CHEK2: variants seen among roughly 807,000 people sequenced by gnomAD.
CHEK2 encodes the protein checkpoint kinase 2.
Under a neutral mutation model 69.1 loss-of-function variants are expected in CHEK2, and 71 were observed. The observed-to-expected ratio is 1.03, with a 90% CI of 0.85 to 1.25. CHEK2 has a LOEUF of 1.25. Ranked by LOEUF, CHEK2 falls within the 50% of genes most tolerant of loss-of-function variation. CHEK2 has a pLI of 0.00. For missense variants in CHEK2, 664 were observed against 649.6 expected, an observed-to-expected ratio of 1.02 and a Z score of -0.24; for synonymous variants, 189 against 226.9, an observed-to-expected ratio of 0.83 and a Z score of 1.50.
chr22:28,718,226 A>G (rs1258349096), intron 5 of CHEK2, among the ~76,000 whole-genome samples: 1 of 152,204 alleles, frequency 6.6e-6, no homozygotes, highest in East Asian at 1.9e-4. Flanking sequence ...AACCACAATG[A>G]CATCACCTGA....
intron 8 of CHEK2, 62 bp downstream of exon 8, chr22:28,703,443 C>G (rs1172897357): frequency 1.4e-5 from 13 of 904,634 alleles, no homozygotes; most frequent in Non-Finnish European, 2.1e-5. Flanking sequence ...ACATTAGATT[C>G]TTTGGTGGCT....
At chr22:28,711,590 AT>A (rs548827958) in intron 6 of CHEK2, among the ~76,000 whole-genome samples, 118 of 151,736 alleles carry the variant, frequency 7.8e-4, no homozygotes, top group Middle Eastern at 3.4e-3. Context: ...TTATGGCTGA[AT>A]TTTTTTCTCT....
chr22:28,696,156 C>A (rs1470174489), intron 10 of CHEK2, among the ~76,000 whole-genome samples: 1 of 152,208 alleles, frequency 6.6e-6, no homozygotes, highest in African/African-American at 2.4e-5. Context: ...ATCACAGACA[C>A]TTCAGGATTC....
intron 7 of CHEK2, among the ~76,000 whole-genome samples, chr22:28,704,321 T>C (rs2053024354): frequency 6.6e-6 from 1 of 151,816 alleles, no homozygotes; most frequent in African/African-American, 2.4e-5. Context: ...CTTTTTTTTT[T>C]ATTTTGAGAC....
chr22:28,717,977 A>C (rs927503505), intron 5 of CHEK2, among the ~76,000 whole-genome samples: 14 of 152,118 alleles, frequency 9.2e-5, no homozygotes, highest in African/African-American at 3.4e-4. Context: ...GCTACTCAGG[A>C]GGCTGAGGCA....
chr22:28,721,400 C>T (rs2053777423), intron 4 of CHEK2: 1 of 262,172 alleles, frequency 3.8e-6, no homozygotes, highest in Non-Finnish European at 8.2e-6. Context: ...AATTCTCCTG[C>T]CTCAGACCCC....
intron 5 of CHEK2, among the ~76,000 whole-genome samples, chr22:28,718,291 G>T (rs775837197): frequency 2.0e-5 from 3 of 152,140 alleles, no homozygotes; most frequent in Non-Finnish European, 4.4e-5. Flanking sequence ...TGTTGGAGAG[G>T]ATGTGAAGAA....
chr22:28,705,689 G>A (rs2053096414), intron 7 of CHEK2, among the ~76,000 whole-genome samples: 1 of 152,068 alleles, frequency 6.6e-6, no homozygotes, highest in South Asian at 2.1e-4. Context: ...ACTTTAGGAG[G>A]CCAAGGCAAG....
intron 2 of CHEK2, 104 bp downstream of exon 2, chr22:28,734,299 C>A: frequency 9.1e-7 from 1 of 1,103,782 alleles, no homozygotes; most frequent in Non-Finnish European, 1.3e-6. Context: ...GTTCAACGTG[C>A]CAAAAACCTG....
At chr22:28,690,843 G>C (rs2052334597) in intron 13 of CHEK2, among the ~76,000 whole-genome samples, 1 of 142,956 alleles carries the variant, frequency 7.0e-6, no homozygotes, top group South Asian at 2.4e-4. Flanking sequence ...GGGGACGAAA[G>C]AAGGGAGGGG....
chr22:28,703,995 C>T (rs2053003071), intron 7 of CHEK2, among the ~76,000 whole-genome samples: 1 of 152,134 alleles, frequency 6.6e-6, no homozygotes, highest in Non-Finnish European at 1.5e-5. Context: ...CTCTGGGCAA[C>T]TGGAACCTCC....
chr22:28,702,354 T>C (rs1322494007), intron 8 of CHEK2, among the ~76,000 whole-genome samples: 1 of 151,490 alleles, frequency 6.6e-6, no homozygotes, highest in African/African-American at 2.4e-5. Context: ...TTCTCCTGCC[T>C]CAGCCTCCCG....
intron 9 of CHEK2, among the ~76,000 whole-genome samples, chr22:28,699,362 C>CTTTT (rs67508991): frequency 6.9e-4 from 54 of 78,032 alleles, no homozygotes; most frequent in African/African-American, 8.3e-4. Context: ...AGAGCTTTTT[C>CTTTT]TTTTTTTTTT....
At chr22:28,688,093 G>A in intron 14 of CHEK2, 107 bp from the exon 15 acceptor site, 3 of 900,012 alleles carry the variant, frequency 3.3e-6, no homozygotes, top group Non-Finnish European at 5.2e-6. Context: ...CATTTGATGT[G>A]AAATTCTAGA....
In CHEK2 at chr22:28,725,131, TA is replaced by T; in HGVS notation, c.445-8del. On this transcript the variant is annotated splice_polypyrimidine_tract_variant and splice_region_variant and intron_variant, in intron 3 of 14. Transcript: ENST00000404276. ...AGTTTTTAGGACCCACTTCCTAAAA[TA>T]GAGAACATTTTGTTTCAGACTTTGA... 6.2e-7 allele frequency: 1 copy of T among 1,614,118 alleles called. No individual in the cohort carries two copies.
In CHEK2 at chr22:28,694,375, G is replaced by A. The variant is rs5762747; in HGVS notation, c.1376-258C>T. On this transcript the variant is annotated intron_variant, in intron 12 of 14. Transcript: ENST00000404276. ...CTCTTCACTGCCTGTTCCCTCTCTTGTTGCTAGACTCAAGGTCGGACTAAT... is the reference window on the plus strand; with the variant it reads ...CTCTTCACTGCCTGTTCCCTCTCTTATTGCTAGACTCAAGGTCGGACTAAT... Among the ~76,000 whole-genome samples, 61,464 of 151,916 alleles carry A rather than the reference G, an allele frequency of 0.4. 14,275 individuals are homozygous for A. The highest frequency in any genetic ancestry group is 0.62 in the East Asian group (3,211 of 5,158).
intron 8 of CHEK2, among the ~76,000 whole-genome samples, chr22:28,702,151 G>GTGTGTGTGTT (rs1452139240): frequency 1.9e-4 from 29 of 150,908 alleles, no homozygotes; most frequent in Admixed American, 7.9e-4. Context: ...GTGTGTGTGT[G>GTGTGTGTGTT]TGTGTGTGTG....
At chr22:28,714,517 T>C (rs1446132547) in intron 5 of CHEK2, among the ~76,000 whole-genome samples, 1 of 152,192 alleles carries the variant, frequency 6.6e-6, no homozygotes, top group African/African-American at 2.4e-5. Context: ...TTCTAAGATG[T>C]CTTTATCTAT....
At chr22:28,696,762 C>T (rs2052600462) in intron 10 of CHEK2, 139 bp downstream of exon 10, 1 of 680,410 alleles carries the variant, frequency 1.5e-6, no homozygotes, top group Admixed American at 2.1e-5. Context: ...AGCAGTATCA[C>T]CTGATCTCTA....
Sources: gnomAD v4.1 joint callset for allele counts (sites outside exome capture counted in the v4.1 genomes callset) on GRCh38, gnomAD v4.1.1 for gene constraint, MANE v1.5 for transcripts, NCBI Gene and HGNC (gene_info 2026-07-23, HGNC 2026-07-21) for gene names.